Variants in CDH23 observed in about 807,000 individuals in gnomAD.
CDH23 encodes cadherin-23.
A neutral mutation model predicts 317.1 loss-of-function variants in CDH23; 189 were observed. The observed-to-expected ratio is 0.60, with a 90% CI of 0.53 to 0.67. The LOEUF (loss-of-function observed/expected upper bound fraction) is 0.67. CDH23 is among the 30% of genes least tolerant of loss of function. The probability of loss-of-function intolerance (pLI) is 0.00; values close to 1 mark genes in which losing one functional copy is unlikely to be tolerated. For synonymous variants in CDH23, 1,839 were observed against 1,876.8 expected (o/e 0.98, Z 0.52); for missense variants, 4,401 against 4,592.4 (o/e 0.96, Z 1.20).
intron 25 of CDH23, among the ~76,000 whole-genome samples, chr10:71,706,000 G>A (rs535472569): frequency 2.0e-5 from 3 of 152,310 alleles, no homozygotes; most frequent in South Asian, 2.1e-4. Flanking sequence ...AAGCTTGCCT[G>A]TGGGTTTCTG....
intron 11 of CDH23, among the ~76,000 whole-genome samples, chr10:71,635,051 G>A (rs551822107): frequency 1.3e-5 from 2 of 152,248 alleles, no homozygotes; most frequent in African/African-American, 2.4e-5. Context: ...CCCAGGAGTT[G>A]GAAGTCTGTG....
rs1223980355 is a variant in CDH23 at position 71,724,083 on chromosome 10, T to A, written c.3408T>A (p.Arg1136=). The part of the protein sequence containing the change: ...ATDADEGEFG[R]VWYRILHGNH... Reference sequence around the variant, plus strand: ...ACGCAGATGAGGGCGAGTTTGGGCGTGTGTGGTACCGCATCCTCCATGGTA... The same window carrying A: ...ACGCAGATGAGGGCGAGTTTGGGCGAGTGTGGTACCGCATCCTCCATGGTA... The change falls in exon 29 of 70, where the codon CGT becomes CGA. Residue 1136 remains arginine, a synonymous_variant. Coordinates refer to ENST00000224721, the MANE Select transcript of CDH23 (RefSeq NM_022124.6). The A allele has an allele frequency of 1.9e-6, 3 of 1,559,676 alleles. No homozygotes were observed. Among genetic ancestry groups the A allele is most frequent in the African/African-American group, 1.4e-5 (1 of 73,504 alleles).
At chr10:71,721,609 G>T (rs1036716710) in intron 28 of CDH23, among the ~76,000 whole-genome samples, 9 of 152,236 alleles carry the variant, frequency 5.9e-5, no homozygotes, top group Admixed American at 5.9e-4. Context: ...TGTTCTTTTT[G>T]CTCCAGTGTA....
chr10:71,444,072 C>T (rs1324500104), intron 2 of CDH23, among the ~76,000 whole-genome samples: 1 of 152,252 alleles, frequency 6.6e-6, no homozygotes, highest in African/African-American at 2.4e-5. Context: ...TCTCTGGGCA[C>T]TCATTTGCCT....
intron 38 of CDH23, among the ~76,000 whole-genome samples, chr10:71,744,168 C>A (rs73275883): frequency 0.021 from 3,182 of 152,196 alleles, 125 homozygotes; most frequent in African/African-American, 0.071. Flanking sequence ...TATCACTTCC[C>A]ACACAAAAGC....
Position 71,811,663 on chromosome 10 carries a change from T to C in CDH23, c.9279-50T>C, listed in dbSNP as rs376624157. 2.5e-6 allele frequency: 4 copies of C among 1,613,560 alleles called. No homozygotes were observed. In the African/African-American group the frequency reaches 5.3e-5, roughly 22 times the overall value. On this transcript the variant is annotated intron_variant, in intron 64 of 69. Coordinates refer to ENST00000224721, the MANE Select transcript of CDH23 (RefSeq NM_022124.6). ...GGATGGCCACGAGGCAGGCAGGGCC[T>C]GAGACGTCAGCTTGGCCCCCCTCAC... is the stretch of plus-strand genomic sequence containing the variant.
At chr10:71,696,117 C>T (rs1865380559) in intron 22 of CDH23, among the ~76,000 whole-genome samples, 1 of 152,236 alleles carries the variant, frequency 6.6e-6, no homozygotes, top group African/African-American at 2.4e-5. Context: ...CGGTCAAAGC[C>T]AGGGCATCTC....
At position 71,730,924 on chromosome 10, in the gene CDH23, G is replaced by A. The variant is rs61852058; in HGVS notation, c.3715+320G>A. On this transcript the variant is annotated intron_variant, in intron 31 of 69. Transcript: ENST00000224721. The stretch of plus-strand genomic sequence containing the variant: ...GAGAGGGGCTGGGCAGAGCTGGGAG[G>A]GGTAAAGAGGACCGGTCAGAAAGCT... Among the ~76,000 whole-genome samples, 28,048 of 152,208 alleles carry A rather than the reference G, an allele frequency of 0.18. 2,761 individuals are homozygous for A. The highest frequency in any genetic ancestry group is 0.35 in the South Asian group (1,705 of 4,820).
intron 53 of CDH23, among the ~76,000 whole-genome samples, chr10:71,802,560 T>G (rs1841586299): frequency 6.6e-6 from 1 of 152,068 alleles, no homozygotes; most frequent in South Asian, 2.1e-4. Flanking sequence ...TAGGGCCCTG[T>G]GGGGAGCAGC....
intron 3 of CDH23, among the ~76,000 whole-genome samples, chr10:71,460,214 A>G (rs1564594325): frequency 6.6e-6 from 1 of 152,180 alleles, no homozygotes; most frequent in Non-Finnish European, 1.5e-5. Context: ...TGAAGAGGAG[A>G]AACTTCCAGC....
chr10:71,791,038 G>C, intron 46 of CDH23, 94 bp from the exon 47 acceptor site: 2 of 972,428 alleles, frequency 2.1e-6, no homozygotes, highest in South Asian at 1.5e-5. Context: ...TGGTGCCCCT[G>C]TCTTTCTCTG....
chr10:71,425,087 T>C (rs1848994687), intron 1 of CDH23, among the ~76,000 whole-genome samples: 1 of 151,862 alleles, frequency 6.6e-6, no homozygotes, highest in African/African-American at 2.4e-5. Context: ...CTCCTATTTG[T>C]ACCTAATGTC....
At chr10:71,640,558 A>G (rs1209743074) in intron 11 of CDH23, among the ~76,000 whole-genome samples, 1 of 151,868 alleles carries the variant, frequency 6.6e-6, no homozygotes, top group Non-Finnish European at 1.5e-5. Flanking sequence ...GACCAGCCTG[A>G]CCACCATGGT....
In CDH23 at chr10:71,800,669, GAGA is replaced by G. The variant is rs775746441; in HGVS notation, c.7402_7404del (p.Lys2468del). On this transcript the variant is annotated inframe_deletion, in exon 53 of 70. Coordinates refer to ENST00000224721, the MANE Select transcript of CDH23 (RefSeq NM_022124.6). ...CTATGTGCTGTCTTCTCTGGACCGG[GAGA>G]AGAAGGACCACTATATCCTGACTGC... 6.2e-7 allele frequency: 1 copy of G among 1,613,958 alleles called. No homozygotes were observed. Among genetic ancestry groups the G allele is most frequent in the Non-Finnish European group, 8.5e-7 (1 of 1,179,892 alleles).
At chr10:71,691,784 G>A (rs1439450346) in intron 20 of CDH23, among the ~76,000 whole-genome samples, 11 of 152,204 alleles carry the variant, frequency 7.2e-5, no homozygotes, top group Non-Finnish European at 1.3e-4. Flanking sequence ...CCTGCTGCAG[G>A]TGGTCAGTGG....
At chr10:71,495,499 G>C (rs775187811) in intron 3 of CDH23, among the ~76,000 whole-genome samples, 86 of 152,144 alleles carry the variant, frequency 5.7e-4, no homozygotes, top group Non-Finnish European at 1.0e-3. Flanking sequence ...TTTGAAATCA[G>C]GCCTTGAGTC....
intron 14 of CDH23, among the ~76,000 whole-genome samples, chr10:71,671,095 G>C (rs184399140): frequency 1.3e-5 from 2 of 152,088 alleles, no homozygotes; most frequent in Admixed American, 1.3e-4. Flanking sequence ...GAGTAGCTGG[G>C]ACTACAGGCA....
At chr10:71,740,519 A>T (rs1199462054) in intron 36 of CDH23, among the ~76,000 whole-genome samples, 1 of 152,238 alleles carries the variant, frequency 6.6e-6, no homozygotes, top group Non-Finnish European at 1.5e-5. Flanking sequence ...CCCAGAATAC[A>T]GTCAGAGGTA....
chr10:71,717,534 A>G (rs937482155), intron 28 of CDH23: 5 of 152,294 alleles, frequency 3.3e-5, no homozygotes, highest in African/African-American at 1.2e-4. Context: ...GTCCTTGTCG[A>G]TGGAAAACCA....
Sources: gnomAD v4.1 joint callset for allele counts (sites outside exome capture counted in the v4.1 genomes callset) on GRCh38, gnomAD v4.1.1 for gene constraint, MANE v1.5 for transcripts, NCBI Gene and HGNC (gene_info 2026-07-23, HGNC 2026-07-21) for gene names.